The following RBBP8 variants were observed in gnomAD, a reference collection of about 807,000 sequenced individuals.
RBBP8 encodes the protein DNA endonuclease RBBP8.
A neutral mutation model predicts 108.3 loss-of-function variants in RBBP8; 88 were observed. The observed-to-expected ratio is 0.81, with a 90% CI of 0.68 to 0.97. The LOEUF is 0.97. RBBP8 is among the 50% of genes least tolerant of loss of function. The pLI is 0.00. For synonymous variants in RBBP8, 332 were observed against 348.2 expected (o/e 0.95, Z 0.52); for missense variants, 1,023 against 1,049.0 (o/e 0.98, Z 0.34).
intron 2 of RBBP8, among the ~76,000 whole-genome samples, chr18:22,915,811 T>C (rs1360624141): frequency 6.6e-6 from 1 of 152,012 alleles, no homozygotes; most frequent in Non-Finnish European, 1.5e-5. Context: ...ATTTATTTAT[T>C]GAGCATTTTT....
At chr18:22,967,323 G>T (rs1180060036) in intron 4 of RBBP8, among the ~76,000 whole-genome samples, 1 of 143,872 alleles carries the variant, frequency 7.0e-6, no homozygotes, top group Non-Finnish European at 1.5e-5. Context: ...CTGAGATTGC[G>T]CCACTGCACT....
At chr18:22,944,234 G>A (rs1046044663) in intron 2 of RBBP8, among the ~76,000 whole-genome samples, 6 of 152,146 alleles carry the variant, frequency 3.9e-5, no homozygotes, top group Admixed American at 2.0e-4. Flanking sequence ...GGTGATCTAC[G>A]TGACAGAACA....
intron 1 of RBBP8, among the ~76,000 whole-genome samples, chr18:22,936,383 A>G (rs1460850251): frequency 6.6e-6 from 1 of 152,194 alleles, no homozygotes; most frequent in Non-Finnish European, 1.5e-5. Context: ...ATTACAGGCA[A>G]GAGCCATCTC....
chr18:22,996,384 T>G lies in RBBP8; in HGVS notation c.1950T>G (p.Phe650Leu). ...KSLQNNQDVS[F>L]ENIQWSIDPG... ...TTCCCTTTACCTAAGATGTATCCTT[T>G]GAAAATATCCAGTGGAGTATAGATC... is the stretch of plus-strand genomic sequence containing the variant. The change falls in exon 13 of 19, where the codon TTT (phenylalanine) becomes TTG (leucine). Residue 650 changes from phenylalanine to leucine, a missense_variant. Physicochemically the swap from Phe to Leu is conservative, Grantham distance 22 (BLOSUM62 0). Transcript: ENST00000327155. 6.2e-7 allele frequency: 1 copy of G among 1,613,644 alleles called. No homozygotes were observed. The highest frequency in any genetic ancestry group is 2.2e-5 in the East Asian group (1 of 44,784).
chr18:22,943,767 C>T (rs908578029), intron 2 of RBBP8, among the ~76,000 whole-genome samples: 2 of 152,060 alleles, frequency 1.3e-5, no homozygotes, highest in African/African-American at 4.8e-5. Context: ...ACAGTACATA[C>T]ATTTTATATA....
intron 12 of RBBP8, among the ~76,000 whole-genome samples, chr18:22,994,128 C>G (rs1359500819): frequency 7.2e-6 from 1 of 139,440 alleles, no homozygotes; most frequent in Non-Finnish European, 1.5e-5. Flanking sequence ...TCACACCATT[C>G]TCCTGCCTCA....
chr18:22,920,427 G>C (rs1909545872), intron 3 of RBBP8, among the ~76,000 whole-genome samples: 1 of 152,146 alleles, frequency 6.6e-6, no homozygotes, highest in South Asian at 2.1e-4. Context: ...ACAGCCTTAA[G>C]AACAACCAGA....
chr18:22,993,457 A>C lies in RBBP8; in HGVS notation c.1630A>C (p.Thr544Pro). ...SSRKASDGNC[T>P]LPKDSPGEPC... ...CCGTAAGGCCTCAGATGGCAACTGC[A>C]CGTTGCCCAAAGATTCCCCAGGGGA... is the stretch of plus-strand genomic sequence containing the variant. Residue 544 changes from threonine to proline, a missense_variant, in exon 11 of 19, where the codon ACG becomes CCG. Coordinates refer to ENST00000327155, the MANE Select transcript of RBBP8 (RefSeq NM_002894.3). 1 of 1,614,254 alleles carries C rather than the reference A, an allele frequency of 6.2e-7. No homozygotes were observed. Among genetic ancestry groups the C allele is most frequent in the Non-Finnish European group, 8.5e-7 (1 of 1,180,040 alleles).
upstream of RBBP8, among the ~76,000 whole-genome samples, chr18:22,932,229 T>C (rs1451660493): frequency 1.3e-5 from 2 of 152,234 alleles, no homozygotes; most frequent in Non-Finnish European, 2.9e-5. Context: ...CACAGCACAC[T>C]GCTCTTTCAA....
intron 16 of RBBP8, among the ~76,000 whole-genome samples, chr18:23,009,975 TG>T (rs1391166280): frequency 6.6e-6 from 1 of 152,232 alleles, no homozygotes; most frequent in Non-Finnish European, 1.5e-5. Flanking sequence ...TTGGCCAGGA[TG>T]GTCTCGATCT....
chr18:22,996,430 T>C lies in RBBP8; in HGVS notation c.1996T>C (p.Tyr666His). 6.2e-7 allele frequency: 1 copy of C among 1,613,658 alleles called. No homozygotes were observed. Among genetic ancestry groups the C allele is most frequent in the Non-Finnish European group, 8.5e-7 (1 of 1,179,862 alleles). Residue 666 changes from tyrosine (Y) to histidine (H), a missense_variant, in exon 13 of 19, where the codon TAT (tyrosine) becomes CAT (histidine). Tyr to His is a moderately conservative substitution (Grantham distance 83). Transcript: ENST00000327155. Reference sequence around the variant, plus strand: ...AGATCCGGGAGCAGACCTTTCTCAGTATAAAATGGATGTTACTGTAATAGA... The same window carrying C: ...AGATCCGGGAGCAGACCTTTCTCAGCATAAAATGGATGTTACTGTAATAGA... ...SIDPGADLSQ[Y>H]KMDVTVIDTK...
rs1568009130 is a variant in RBBP8, at chr18:23,022,155, AAG to A, written c.2485_2486del (p.Glu829LysfsTer40). On this transcript the variant is annotated frameshift_variant, in exon 18 of 19. Coordinates refer to ENST00000327155, the MANE Select transcript of RBBP8 (RefSeq NM_002894.3). LOFTEE classifies it high-confidence loss of function. ...IYYADMPAEE[R>X]EKKLASCSRH... ...ATTATGCAGATATGCCAGCAGAAGAAAGAGAAAAGAAATTGGCTTCCTGCTCA... is the reference window on the plus strand; with the variant it reads ...ATTATGCAGATATGCCAGCAGAAGAAAGAAAAGAAATTGGCTTCCTGCTCA... 1.2e-6 allele frequency: 2 copies of A among 1,606,494 alleles called. No homozygotes were observed. Among genetic ancestry groups the A allele is most frequent in the East Asian group, 2.2e-5 (1 of 44,842 alleles).
At chr18:23,022,651 T>TAAAATAAAATAAATAAA (rs370599195) in intron 18 of RBBP8, among the ~76,000 whole-genome samples, 4 of 84,358 alleles carry the variant, frequency 4.7e-5, no homozygotes, top group Non-Finnish European at 6.8e-5. Context: ...TAAAATACAA[T>TAAAATAAAATAAATAAA]ATAAAATAAA....
At chr18:22,986,533 A>G (rs7237400) in intron 8 of RBBP8, among the ~76,000 whole-genome samples, 76,654 of 152,066 alleles carry the variant, frequency 0.5, 21,867 homozygotes, top group Middle Eastern at 0.67. Flanking sequence ...CAGTGGCTAA[A>G]GAAGAACATG....
At chr18:22,967,941 C>T (rs1480440839) in intron 4 of RBBP8, among the ~76,000 whole-genome samples, 1 of 152,054 alleles carries the variant, frequency 6.6e-6, no homozygotes, top group Admixed American at 6.6e-5. Flanking sequence ...GCCACTGTGC[C>T]CAGCCTGTAA....
intron 2 of RBBP8, among the ~76,000 whole-genome samples, chr18:22,941,227 A>G (rs752951034): frequency 9.9e-5 from 15 of 152,056 alleles, no homozygotes; most frequent in Non-Finnish European, 1.8e-4. Flanking sequence ...GCTGGAGTGC[A>G]GTGGCATGAT....
intron 6 of RBBP8, among the ~76,000 whole-genome samples, chr18:22,980,965 C>CTTTTGTTTTTTTT (rs1914880856): frequency 4.3e-5 from 3 of 69,490 alleles, no homozygotes; most frequent in Admixed American, 2.6e-4. Context: ...CCACTTATGT[C>CTTTTGTTTTTTTT]TTTTTTTTTT....
intron 2 of RBBP8, chr18:22,916,897 T>A (rs545395295): frequency 6.6e-6 from 1 of 152,220 alleles, no homozygotes; most frequent in Non-Finnish European, 1.5e-5. Flanking sequence ...GCTCATAATT[T>A]AGGATTTGCC....
chr18:22,957,517 T>C (rs1367492812), intron 4 of RBBP8, among the ~76,000 whole-genome samples: 1 of 152,210 alleles, frequency 6.6e-6, no homozygotes, highest in African/African-American at 2.4e-5. Context: ...AAATGGAAGC[T>C]TTTATTTCTT....
Sources: gnomAD v4.1 joint callset for allele counts (sites outside exome capture counted in the v4.1 genomes callset) on GRCh38, gnomAD v4.1.1 for gene constraint, MANE v1.5 for transcripts, NCBI Gene and HGNC (gene_info 2026-07-23, HGNC 2026-07-21) for gene names.